The following USP43 variants were observed in gnomAD, a reference collection of about 807,000 sequenced individuals.
USP43 encodes ubiquitin specific peptidase 43, also known as ubiquitin carboxyl-terminal hydrolase 43.
USP43 carries 33 observed loss-of-function variants against 90.7 expected under a neutral mutation model. The ratio of observed to expected loss-of-function variants is 0.36; its 90% CI spans 0.28 to 0.49. USP43 has a LOEUF of 0.49. Ranked by LOEUF, USP43 falls within the 20% of genes least tolerant of loss-of-function variation. USP43 has a pLI of 0.98. For synonymous variants in USP43, 598 were observed against 615.8 expected, an observed-to-expected ratio of 0.97 and a Z score of 0.43; for missense variants, 1,274 against 1,476.4, an observed-to-expected ratio of 0.86 and a Z score of 2.25.
At chr17:9,718,143 T>TTA (rs144342687) in intron 14 of USP43, among the ~76,000 whole-genome samples, 33,532 of 151,930 alleles carry the variant, frequency 0.22, 6,031 homozygotes, top group African/African-American at 0.5. Flanking sequence ...GTTTGGGTCT[T>TTA]TTTAGAAGTT....
In USP43 at chr17:9,709,672, C is replaced by T. The variant is rs1267499294; in HGVS notation, c.2012-284C>T. ...TGGAGGTTGCCGTGAGCCGAGATCG[C>T]GCCACTTCACTCCAGCCTGGGTGAC... On this transcript the variant is annotated intron_variant, in intron 12 of 14. Coordinates refer to ENST00000285199, the MANE Select transcript of USP43 (RefSeq NM_153210.5). This position sits in a 1 kb window ranked among gnomAD's most constrained non-coding sequence, Gnocchi z 5.0. 2.0e-5 allele frequency among the ~76,000 whole-genome samples: 3 copies of T among 151,902 alleles called. No homozygotes were observed. The highest frequency in any genetic ancestry group is 4.8e-5 in the African/African-American group (2 of 41,358).
At chr17:9,653,595 GAA>G (rs59946486) in intron 1 of USP43, among the ~76,000 whole-genome samples, 6 of 135,632 alleles carry the variant, frequency 4.4e-5, no homozygotes, top group African/African-American at 1.3e-4. Flanking sequence ...TTCAAAAAAA[GAA>G]AAAAAAAAAA....
chr17:9,679,829 C>T (rs1914044518), intron 5 of USP43, among the ~76,000 whole-genome samples: 1 of 152,100 alleles, frequency 6.6e-6, no homozygotes, highest in Non-Finnish European at 1.5e-5. Context: ...GCTACAAAAC[C>T]ATCTCCTATT....
intron 5 of USP43, among the ~76,000 whole-genome samples, chr17:9,680,013 ATT>A (rs58054610): frequency 3.2e-4 from 42 of 132,038 alleles, no homozygotes; most frequent in Middle Eastern, 4.3e-3. Flanking sequence ...TAAAACTTAG[ATT>A]TTTTTTTTTT....
intron 14 of USP43, among the ~76,000 whole-genome samples, chr17:9,716,198 T>C (rs967163366): frequency 6.6e-6 from 1 of 152,138 alleles, no homozygotes; most frequent in Non-Finnish European, 1.5e-5. Flanking sequence ...AGTTCCTTAT[T>C]TCTTGTTAGG....
intron 8 of USP43, 95 bp from the exon 9 acceptor site, chr17:9,693,032 A>G (rs1275532946): frequency 4.5e-6 from 4 of 898,138 alleles, no homozygotes; most frequent in Non-Finnish European, 6.9e-6. Flanking sequence ...ATGGAAAATA[A>G]TGATTATATT....
At chr17:9,711,797 G>A (rs1011668846) in intron 13 of USP43, among the ~76,000 whole-genome samples, 171 bp from the exon 14 acceptor site, 9 of 152,136 alleles carry the variant, frequency 5.9e-5, no homozygotes, top group African/African-American at 1.4e-4. Context: ...TGGGAAACCC[G>A]ATCACAGGTT....
chr17:9,652,552 G>T lies in USP43; in HGVS notation c.505-3851G>T, dbSNP rs1176939587. Among the ~76,000 whole-genome samples, 6 of 151,996 alleles carry T rather than the reference G, an allele frequency of 3.9e-5. No individual in the cohort carries two copies. The South Asian group carries it at 6.2e-4, about 16-fold the overall frequency. ...AATTTTTTGTATTTTTAGTAGAGAC[G>T]GGGTTTCACCTTGGTAGCCAGGATG... On this transcript the variant is annotated intron_variant, in intron 1 of 14. Coordinates refer to ENST00000285199, the MANE Select transcript of USP43 (RefSeq NM_153210.5).
At chr17:9,682,604 A>C (rs1455743444) in intron 6 of USP43, among the ~76,000 whole-genome samples, 1 of 152,170 alleles carries the variant, frequency 6.6e-6, no homozygotes, top group African/African-American at 2.4e-5. Flanking sequence ...GGTGAACACA[A>C]TTGCAAATTC....
chr17:9,659,235 T>C (rs1466485318), intron 2 of USP43, among the ~76,000 whole-genome samples: 1 of 152,222 alleles, frequency 6.6e-6, no homozygotes, highest in East Asian at 1.9e-4. Flanking sequence ...GTTTGTTATG[T>C]GCCAGGGGTG....
At chr17:9,712,428 G>C (rs1402525889) in intron 14 of USP43, among the ~76,000 whole-genome samples, 3 of 152,168 alleles carry the variant, frequency 2.0e-5, no homozygotes, top group Non-Finnish European at 4.4e-5. Context: ...AGAGAATCAG[G>C]GAAGAGGGTA....
In USP43 at chr17:9,709,872, C is replaced by T. The variant is rs1286652036; in HGVS notation, c.2012-84C>T. ...TTTTCTCATTCTGGTTTAAACATACCGCTTTTTCAGCTATGCCAGTGGGAA... is the reference window on the plus strand; with the variant it reads ...TTTTCTCATTCTGGTTTAAACATACTGCTTTTTCAGCTATGCCAGTGGGAA... On this transcript the variant is annotated intron_variant, in intron 12 of 14. Coordinates refer to ENST00000285199, the MANE Select transcript of USP43 (RefSeq NM_153210.5). This position sits in a 1 kb window ranked among gnomAD's most constrained non-coding sequence, Gnocchi z 5.0. 2.7e-5 allele frequency: 35 copies of T among 1,314,812 alleles called. No homozygotes were observed. The Middle Eastern group carries it at 1.0e-3, about 39-fold the overall frequency. 81.4% of individuals were successfully genotyped at this position (1,314,812 alleles called of 1,614,324 possible). A position where few individuals can be genotyped will look rare whatever the true frequency, so the allele number is the denominator to read the frequency against.
chr17:9,670,994 G>A (rs1044429082), intron 3 of USP43, among the ~76,000 whole-genome samples: 2 of 152,088 alleles, frequency 1.3e-5, no homozygotes, highest in Non-Finnish European at 2.9e-5. Context: ...TCCTCTCCCT[G>A]GGGAGGGCTT....
chr17:9,713,312 C>T (rs1213925331), intron 14 of USP43, among the ~76,000 whole-genome samples: 1 of 152,116 alleles, frequency 6.6e-6, no homozygotes, highest in Non-Finnish European at 1.5e-5. Context: ...TGATCTCAAA[C>T]TCCTGACCTC....
intron 14 of USP43, among the ~76,000 whole-genome samples, chr17:9,719,227 G>C (rs17207395): frequency 0.05 from 7,580 of 152,262 alleles, 301 homozygotes; most frequent in East Asian, 0.21. Flanking sequence ...TCCCAGCTCT[G>C]TTTAACGGCA....
At chr17:9,702,931 G>C (rs1915659831) in intron 12 of USP43, among the ~76,000 whole-genome samples, 1 of 152,188 alleles carries the variant, frequency 6.6e-6, no homozygotes, top group Non-Finnish European at 1.5e-5. Context: ...GCCTAGGCTG[G>C]TCATGGTGAA....
At chr17:9,707,299 T>C (rs1597876959) in intron 12 of USP43, among the ~76,000 whole-genome samples, 2 of 152,206 alleles carry the variant, frequency 1.3e-5, no homozygotes, top group South Asian at 2.1e-4. Flanking sequence ...TTAAATTTAC[T>C]ACATGTGATA....
At chr17:9,693,403 C>A (rs1010244624) in intron 9 of USP43, among the ~76,000 whole-genome samples, 173 bp downstream of exon 9, 1 of 150,860 alleles carries the variant, frequency 6.6e-6, no homozygotes, top group Non-Finnish European at 1.5e-5. Flanking sequence ...GCTTTGAACC[C>A]GTATGTCTGG....
At chr17:9,727,249 G>A (rs1917320371) in intron 14 of USP43, among the ~76,000 whole-genome samples, 1 of 152,092 alleles carries the variant, frequency 6.6e-6, no homozygotes, top group South Asian at 2.1e-4. Context: ...AATTTCTTAA[G>A]CAAAAATACA....
Sources: gnomAD v4.1 joint callset for allele counts (sites outside exome capture counted in the v4.1 genomes callset) on GRCh38, gnomAD v4.1.1 for gene constraint, Gnocchi (gnomAD v3.1) non-coding constraint, MANE v1.5 for transcripts, NCBI Gene and HGNC (gene_info 2026-07-23, HGNC 2026-07-21) for gene names.